The following WWC2 variants were observed in gnomAD, a reference collection of about 807,000 sequenced individuals.
WWC2 encodes the protein protein WWC2.
WWC2 carries 101 observed loss-of-function variants against 138.5 expected under a neutral mutation model. The observed-to-expected ratio is 0.73, with a 90% CI of 0.62 to 0.86. WWC2 has a LOEUF of 0.86. WWC2 is among the 40% of genes least tolerant of loss of function. The pLI is 0.00. For missense variants in WWC2, 1,420 were observed against 1,419.4 expected (o/e 1.00, Z -0.01); for synonymous variants, 558 against 538.4 (o/e 1.04, Z -0.50).
At chr4:183,198,532 A>G (rs561181495) in intron 2 of WWC2, among the ~76,000 whole-genome samples, 2 of 152,168 alleles carry the variant, frequency 1.3e-5, no homozygotes, top group East Asian at 1.9e-4. Context: ...ATTATATTAT[A>G]TATACTGTTT....
chr4:183,311,031 A>G (rs1222686794), intron 21 of WWC2, among the ~76,000 whole-genome samples: 1 of 152,174 alleles, frequency 6.6e-6, no homozygotes, highest in Non-Finnish European at 1.5e-5. Flanking sequence ...CCAGATTTAC[A>G]TCGCTAGTAA....
intron 21 of WWC2, among the ~76,000 whole-genome samples, chr4:183,296,151 G>C (rs1423275885): frequency 1.3e-5 from 2 of 152,206 alleles, no homozygotes; most frequent in Non-Finnish European, 2.9e-5. Flanking sequence ...AGCTGGGTGA[G>C]GGTTTTGATT....
chr4:183,290,915 C>A (rs1364077590), intron 21 of WWC2, among the ~76,000 whole-genome samples: 2 of 152,170 alleles, frequency 1.3e-5, no homozygotes, highest in Non-Finnish European at 2.9e-5. Flanking sequence ...ACTACTGATC[C>A]TTGATGGAAC....
chr4:183,319,782 T>C lies in WWC2; in HGVS notation c.*4053T>C. 1 of 1,614,020 alleles carries C rather than the reference T, an allele frequency of 6.2e-7. No individual in the cohort carries two copies. The highest frequency in any genetic ancestry group is 1.1e-5 in the South Asian group (1 of 91,070). ...TGGGACGTTCTCATCCCAGAACTCC[T>C]GAACCGTCTTGTGGGCAACCCAAGA... On this transcript the variant is annotated 3_prime_UTR_variant, in exon 23 of 23. Transcript: ENST00000403733.
rs144286514 is a variant in WWC2 at position 183,284,273 on chromosome 4, A to T, written c.2931A>T (p.Ala977=). The T allele has an allele frequency of 1.2e-6, 2 of 1,613,944 alleles. No homozygotes were observed. Among genetic ancestry groups the T allele is most frequent in the East Asian group, 4.5e-5 (2 of 44,906 alleles). ...ATGAAGCCGCTAATGACAATATGGCAGTTCGCCCCAAAGAGCGCAGCAGCC... is the reference window on the plus strand; with the variant it reads ...ATGAAGCCGCTAATGACAATATGGCTGTTCGCCCCAAAGAGCGCAGCAGCC... ...NTDEAANDNM[A]VRPKERSSLS... The change falls in exon 19 of 23, where the codon GCA becomes GCT. Residue 977 remains alanine, a synonymous_variant. Coordinates refer to ENST00000403733, the MANE Select transcript of WWC2 (RefSeq NM_024949.6).
At chr4:183,154,731 C>T (rs1201558708) in intron 1 of WWC2, among the ~76,000 whole-genome samples, 2 of 152,198 alleles carry the variant, frequency 1.3e-5, no homozygotes, top group Non-Finnish European at 2.9e-5. Context: ...CACCCTCTTG[C>T]AGCCATCCCC....
At chr4:183,123,256 G>A (rs1732660171) in intron 1 of WWC2, among the ~76,000 whole-genome samples, 1 of 152,172 alleles carries the variant, frequency 6.6e-6, no homozygotes, top group Non-Finnish European at 1.5e-5. Flanking sequence ...ACAAATGTCT[G>A]TCAATGGGAG....
At chr4:183,272,704 TA>T (rs1235614962) in intron 16 of WWC2, among the ~76,000 whole-genome samples, 1 of 152,240 alleles carries the variant, frequency 6.6e-6, no homozygotes, top group African/African-American at 2.4e-5. Context: ...GTAAGTGCAA[TA>T]ATACAATATT....
At chr4:183,226,773 G>A (rs1447124129) in intron 4 of WWC2, among the ~76,000 whole-genome samples, 1 of 151,892 alleles carries the variant, frequency 6.6e-6, no homozygotes, top group East Asian at 1.9e-4. Flanking sequence ...ACCATTCAGT[G>A]GACAATATGT....
At chr4:183,311,602 CGGA>C (rs1739245439) in intron 21 of WWC2, among the ~76,000 whole-genome samples, 2 of 131,108 alleles carry the variant, frequency 1.5e-5, no homozygotes, top group Non-Finnish European at 3.2e-5. Context: ...TTTTTTGAGA[CGGA>C]GTCTCACTCT....
intron 4 of WWC2, among the ~76,000 whole-genome samples, chr4:183,218,713 C>T (rs1433231010): frequency 6.6e-6 from 1 of 152,198 alleles, no homozygotes; most frequent in Non-Finnish European, 1.5e-5. Flanking sequence ...AGGCGGAGAC[C>T]CAGGAAAGCT....
At chr4:183,159,212 GA>G (rs1485916808) in intron 1 of WWC2, among the ~76,000 whole-genome samples, 1 of 152,192 alleles carries the variant, frequency 6.6e-6, no homozygotes, top group Non-Finnish European at 1.5e-5. Context: ...ACTAGAATTT[GA>G]TGTTCACTTT....
At chr4:183,150,732 A>C (rs1278641622) in intron 1 of WWC2, among the ~76,000 whole-genome samples, 1 of 151,782 alleles carries the variant, frequency 6.6e-6, no homozygotes, top group South Asian at 2.1e-4. Context: ...CCCTGTGTCC[A>C]AGTGTTCTCA....
In WWC2 at chr4:183,226,089, TC is replaced by T. The variant is rs1560853039; in HGVS notation, c.523-14093del. On this transcript the variant is annotated intron_variant, in intron 4 of 22. Coordinates refer to ENST00000403733, the MANE Select transcript of WWC2 (RefSeq NM_024949.6). Reference sequence around the variant, plus strand: ...CGTCTGTGAAACTTTTCTTTTCTTTTCTTTTCTTTTTTTTTTTTTTTTTTTG... The same window carrying T: ...CGTCTGTGAAACTTTTCTTTTCTTTTTTTTCTTTTTTTTTTTTTTTTTTTG... Among the ~76,000 whole-genome samples, 792 of 133,338 alleles carry T rather than the reference TC, an allele frequency of 5.9e-3. 10 individuals are homozygous for T. The highest frequency in any genetic ancestry group is 0.03 in the African/African-American group (745 of 24,536). The allele number at this position is 133,338 out of a possible 152,430, so 87.5% of individuals were successfully genotyped here. A position where few individuals can be genotyped will look rare whatever the true frequency, so the allele number is the denominator to read the frequency against.
intron 1 of WWC2, among the ~76,000 whole-genome samples, chr4:183,186,770 G>A (rs946397859): frequency 6.6e-6 from 1 of 152,034 alleles, no homozygotes; most frequent in Non-Finnish European, 1.5e-5. Context: ...GTTGTGTTCA[G>A]ATATTTGAAA....
chr4:183,267,876 G>T (rs982712235), intron 14 of WWC2, among the ~76,000 whole-genome samples: 2 of 152,174 alleles, frequency 1.3e-5, no homozygotes, highest in Non-Finnish European at 2.9e-5. Flanking sequence ...AAACATGACA[G>T]CTAGTATGAA....
chr4:183,111,198 C>CT (rs1459465775), intron 1 of WWC2, among the ~76,000 whole-genome samples: 1 of 152,170 alleles, frequency 6.6e-6, no homozygotes, highest in Non-Finnish European at 1.5e-5. Flanking sequence ...GGAGATTGCA[C>CT]TACTGCACTC....
At chr4:183,193,109 G>T (rs1735037152) in intron 1 of WWC2, among the ~76,000 whole-genome samples, 1 of 152,156 alleles carries the variant, frequency 6.6e-6, no homozygotes, top group South Asian at 2.1e-4. Flanking sequence ...AAAAAAATTT[G>T]TCCTTCCTCT....
intron 1 of WWC2, among the ~76,000 whole-genome samples, chr4:183,155,671 G>A (rs759710704): frequency 6.6e-6 from 1 of 152,160 alleles, no homozygotes; most frequent in East Asian, 1.9e-4. Context: ...CCTGTTAGCA[G>A]TTGGTTGGAC....
Sources: allele counts gnomAD v4.1 joint callset (sites outside exome capture counted in the v4.1 genomes callset), GRCh38; gene constraint gnomAD v4.1.1; transcripts MANE v1.5; gene names NCBI Gene and HGNC (gene_info 2026-07-23, HGNC 2026-07-21).